The following ERCC6 variants were observed in gnomAD, a reference collection of about 807,000 sequenced individuals.
The protein encoded by ERCC6 is ERCC excision repair 6, chromatin remodeling factor, also known as DNA excision repair protein ERCC-6.
ERCC6 carries 116 observed loss-of-function variants against 158.7 expected under a neutral mutation model. The ratio of observed to expected loss-of-function variants is 0.73; its 90% CI spans 0.63 to 0.85. ERCC6 has a LOEUF of 0.85. Among genes scored for constraint, ERCC6 ranks in the 40% least tolerant of loss-of-function variants. The pLI is 0.00. For missense variants in ERCC6, 1,698 were observed against 1,799.4 expected, an observed-to-expected ratio of 0.94 and a Z score of 1.02; for synonymous variants, 678 against 659.3, an observed-to-expected ratio of 1.03 and a Z score of -0.43.
rs531242343 is a variant in ERCC6 at position 49,479,722 on chromosome 10, T to C, written c.2170-1252A>G. Among the ~76,000 whole-genome samples, 14 of 152,238 alleles carry C rather than the reference T, an allele frequency of 9.2e-5. No individual in the cohort carries two copies. In the South Asian group the frequency reaches 2.9e-3, roughly 32 times the overall value. ...ACCCCCTTCCGCAGAAGAGCGAGCA[T>C]GCTGGTTGGAGGTGCTGGTCAACTA... is the stretch of plus-strand genomic sequence containing the variant. On this transcript the variant is annotated intron_variant, in intron 10 of 20. Coordinates refer to ENST00000355832, the MANE Select transcript of ERCC6 (RefSeq NM_000124.4).
Position 49,483,459 on chromosome 10 carries a change from A to C in ERCC6, c.1879T>G (p.Tyr627Asp), listed in dbSNP as rs1851017001. The change falls in exon 9 of 21, where the codon TAC becomes GAC. Residue 627 changes from tyrosine to aspartate, a missense_variant. By Grantham distance (160) the Tyr-to-Asp change is radical. Coordinates refer to ENST00000355832, the MANE Select transcript of ERCC6 (RefSeq NM_000124.4). Reference sequence around the variant, plus strand: ...ATGTCATCCTGCATCAATCGAATGTAGGAGTAAGATGTGATCAAAATTCCA... The same window carrying C: ...ATGTCATCCTGCATCAATCGAATGTCGGAGTAAGATGTGATCAAAATTCCA... ...CHGILITSYSYIRLMQDDISR... is the reference protein window; with the variant it reads ...CHGILITSYSDIRLMQDDISR... The C allele has an allele frequency of 6.2e-7, 1 of 1,614,146 alleles. No individual in the cohort carries two copies. Among genetic ancestry groups the C allele is most frequent in the East Asian group, 2.2e-5 (1 of 44,872 alleles).
At chr10:49,520,406 AACT>A (rs1174737229) in intron 5 of ERCC6, among the ~76,000 whole-genome samples, 2 of 152,136 alleles carry the variant, frequency 1.3e-5, no homozygotes, top group Non-Finnish European at 2.9e-5. Context: ...ATAGAGTAAG[AACT>A]TGGGGGAATG....
At chr10:49,486,623 T>A (rs1851082621) in intron 8 of ERCC6, among the ~76,000 whole-genome samples, 1 of 152,150 alleles carries the variant, frequency 6.6e-6, no homozygotes, top group Non-Finnish European at 1.5e-5. Context: ...CCAATATACA[T>A]GCTACAAAAT....
rs761264402 is a variant in ERCC6, at chr10:49,478,435, T to G, written c.2205A>C (p.Arg735=). Residue 735 remains arginine, a synonymous_variant, in exon 11 of 21, where the codon CGA becomes CGC. Transcript: ENST00000355832. ...KTAYKCACVL[R]DTINPYLLRR... ...GCAGTAGGTATGGATTTATGGTATC[T>G]CGTAAGACACATGCACACTTGTAAG... 5 of 1,613,786 alleles carry G rather than the reference T, an allele frequency of 3.1e-6. No individual in the cohort carries two copies. The highest frequency in any genetic ancestry group is 2.2e-5 in the South Asian group (2 of 91,068).
At chr10:49,515,672 T>C (rs1375054904) in intron 5 of ERCC6, 3 of 1,614,024 alleles carry the variant, frequency 1.9e-6, no homozygotes, top group African/African-American at 1.3e-5. Context: ...TTGAATACCA[T>C]TTCTTTCCAC....
intron 12 of ERCC6, among the ~76,000 whole-genome samples, chr10:49,474,631 T>C (rs1376058749): frequency 1.3e-5 from 2 of 152,196 alleles, no homozygotes; most frequent in Non-Finnish European, 2.9e-5. Context: ...GAGACATCAG[T>C]CATGTGACTT....
intron 11 of ERCC6, among the ~76,000 whole-genome samples, chr10:49,477,342 C>T (rs1168014579): frequency 1.3e-5 from 2 of 152,136 alleles, no homozygotes; most frequent in Non-Finnish European, 2.9e-5. Flanking sequence ...TCCACCTCTG[C>T]ACTGTATCTG....
At chr10:49,516,401 A>T (rs754851576) in intron 5 of ERCC6, 4 of 1,614,186 alleles carry the variant, frequency 2.5e-6, no homozygotes, top group Non-Finnish European at 2.5e-6. Context: ...TGTCCACTGG[A>T]TCCAAATTTG....
rs1194527614 is a variant in ERCC6, at chr10:49,493,194, C to T, written c.1744G>A (p.Val582Met). 1 of 1,614,092 alleles carries T rather than the reference C, an allele frequency of 6.2e-7. No individual in the cohort carries two copies. The highest frequency in any genetic ancestry group is 8.5e-7 in the Non-Finnish European group (1 of 1,179,990). ...GGCCACCACGTGTGAAATTCCTTCA[C>T]CCACTGATGCATCACTGTTGTTGGA... ...VCPTTVMHQW[V>M]KEFHTWWPPF... Residue 582 changes from valine (V) to methionine (M), a missense_variant, in exon 8 of 21, where the codon GTG becomes ATG. Physicochemically the swap from Val to Met is conservative, Grantham distance 21 (BLOSUM62 1). Transcript: ENST00000355832.
At chr10:49,490,556 C>T (rs1413885729) in intron 8 of ERCC6, among the ~76,000 whole-genome samples, 1 of 151,986 alleles carries the variant, frequency 6.6e-6, no homozygotes, top group Non-Finnish European at 1.5e-5. Context: ...GGTTTCACCA[C>T]ATTGGCCAGG....
chr10:49,498,728 T>C (rs541576689), intron 7 of ERCC6, among the ~76,000 whole-genome samples: 34 of 152,298 alleles, frequency 2.2e-4, no homozygotes, highest in Admixed American at 1.6e-3. Flanking sequence ...CTTAGTAGGA[T>C]TGTCACCACC....
chr10:49,485,097 C>T (rs1011447700), intron 8 of ERCC6, among the ~76,000 whole-genome samples: 15 of 152,228 alleles, frequency 9.9e-5, no homozygotes, highest in African/African-American at 3.6e-4. Flanking sequence ...AAGAGGAAGG[C>T]ATGCACAAAT....
chr10:49,522,465 T>C (rs1337313173), intron 5 of ERCC6, among the ~76,000 whole-genome samples: 2 of 152,232 alleles, frequency 1.3e-5, no homozygotes, highest in African/African-American at 4.8e-5. Context: ...TTGATATTTC[T>C]GAAATTCATT....
chr10:49,494,098 A>G (rs1851224299), intron 7 of ERCC6, among the ~76,000 whole-genome samples: 1 of 152,220 alleles, frequency 6.6e-6, no homozygotes, highest in Admixed American at 6.5e-5. Flanking sequence ...GAGAAGAGGA[A>G]AGCTGAATGA....
At position 49,473,601 on chromosome 10, in the gene ERCC6, G is replaced by T; in HGVS notation, c.2599-14C>A. The stretch of plus-strand genomic sequence containing the variant: ...TATGTCCAGCATCTGTTTGGAGGTG[G>T]GGGATAGGAGTTTGCAAAGCAAATA... On this transcript the variant is annotated splice_polypyrimidine_tract_variant and intron_variant, in intron 13 of 20. Transcript: ENST00000355832. 6.8e-7 allele frequency: 1 copy of T among 1,473,092 alleles called. No individual in the cohort carries two copies. The highest frequency in any genetic ancestry group is 9.5e-7 in the Non-Finnish European group (1 of 1,051,358). The allele number at this position is 1,473,092 out of a possible 1,614,324, so 91.3% of individuals were successfully genotyped here.
At chr10:49,487,973 G>A (rs969392966) in intron 8 of ERCC6, among the ~76,000 whole-genome samples, 5 of 152,156 alleles carry the variant, frequency 3.3e-5, no homozygotes, top group African/African-American at 1.2e-4. Flanking sequence ...TGATTCAATC[G>A]CAGAATTCTA....
At chr10:49,501,023 C>A in intron 6 of ERCC6, 1 of 265,890 alleles carries the variant, frequency 3.8e-6, no homozygotes, top group Non-Finnish European at 7.3e-6. Flanking sequence ...TTTTTACTCA[C>A]TTTCTGGGGG....
At position 49,456,396 on chromosome 10, in the gene ERCC6, A is replaced by G. The variant is rs1187200521; in HGVS notation, c.*2419T>C. The G allele has an allele frequency of 6.6e-6, 1 of 152,232 alleles. No individual in the cohort carries two copies. The highest frequency in any genetic ancestry group is 1.9e-4 in the East Asian group (1 of 5,200). The allele number at this position is 152,232 out of a possible 1,614,324, so 9.4% of individuals were successfully genotyped here. ...CTTAGTCATATGGCCACAATTAACT[A>G]TAAGAGAGGCTGAGAAGTAGTCTTA... is the stretch of plus-strand genomic sequence containing the variant. On this transcript the variant is annotated 3_prime_UTR_variant, in exon 21 of 21. Transcript: ENST00000355832.
chr10:49,472,312 G>T, intron 16 of ERCC6, 64 bp downstream of exon 16: 2 of 1,406,744 alleles, frequency 1.4e-6, no homozygotes, highest in Non-Finnish European at 1.0e-6. Context: ...ACAACACTTT[G>T]GAAAAATTCC....
Sources: gnomAD v4.1 joint callset for allele counts (sites outside exome capture counted in the v4.1 genomes callset) on GRCh38, gnomAD v4.1.1 for gene constraint, MANE v1.5 for transcripts, NCBI Gene and HGNC (gene_info 2026-07-23, HGNC 2026-07-21) for gene names.